The following GBP6 variants were observed in gnomAD, a reference collection of about 807,000 sequenced individuals.
The protein encoded by GBP6 is guanylate binding protein family member 6.
Under a neutral mutation model 61.5 loss-of-function variants are expected in GBP6, and 54 were observed. That is an observed-to-expected ratio of 0.88 (90% CI 0.71 to 1.10). The LOEUF is 1.10. Among genes scored for constraint, GBP6 ranks in the 50% least tolerant of loss-of-function variants. GBP6 has a pLI of 0.00. For missense variants in GBP6, 748 were observed against 752.8 expected (o/e 0.99, Z 0.07); for synonymous variants, 255 against 273.7 (o/e 0.93, Z 0.67).
At position 89,385,484 on chromosome 1, in the gene GBP6, G is replaced by T. The variant is rs759050983; in HGVS notation, c.*15G>T. On this transcript the variant is annotated 3_prime_UTR_variant, in exon 11 of 11. Transcript: ENST00000370456. ...TCCCCTTTTAAGGATATTATAGATTGTACATATATGCTTTGGACTATTTTT... is the reference window on the plus strand; with the variant it reads ...TCCCCTTTTAAGGATATTATAGATTTTACATATATGCTTTGGACTATTTTT... 7 of 1,606,782 alleles carry T rather than the reference G, an allele frequency of 4.4e-6. No homozygotes were observed. The Admixed American group carries it at 6.8e-5, about 16-fold the overall frequency.
chr1:89,368,533 T>G lies in GBP6; in HGVS notation c.-19T>G. On this transcript the variant is annotated 5_prime_UTR_variant, in exon 2 of 11. Coordinates refer to ENST00000370456, the MANE Select transcript of GBP6 (RefSeq NM_198460.3). ...TAACGTTATTTCTACTGGGAGGCTCTTCTAGGTTGGCAGTTGCCATGGAAT... is the reference window on the plus strand; with the variant it reads ...TAACGTTATTTCTACTGGGAGGCTCGTCTAGGTTGGCAGTTGCCATGGAAT... 6.2e-7 allele frequency: 1 copy of G among 1,609,900 alleles called. No individual in the cohort carries two copies. The highest frequency in any genetic ancestry group is 8.5e-7 in the Non-Finnish European group (1 of 1,177,324).
chr1:89,376,195 C>T (rs1370459484), intron 3 of GBP6, among the ~76,000 whole-genome samples: 3 of 152,124 alleles, frequency 2.0e-5, no homozygotes, highest in Non-Finnish European at 4.4e-5. Context: ...AAAATTCATT[C>T]ATCTGTTAAT....
At chr1:89,369,743 C>A (rs1303731320) in intron 3 of GBP6, 70 bp downstream of exon 3, 3 of 1,509,672 alleles carry the variant, frequency 2.0e-6, no homozygotes, top group Non-Finnish European at 2.7e-6. Context: ...CTGTTGTGAT[C>A]TATTTGTGCA....
At position 89,385,266 on chromosome 1, in the gene GBP6, A is replaced by T; in HGVS notation, c.1699A>T (p.Lys567Ter). ...NDWLHEGFKK[K>*]YEEMNAEISQ... is the part of the protein sequence containing the mutation. ...TTGGCTTCATGAAGGATTTAAGAAGAAGTATGAGGAGATGAATGCAGAGAT... is the reference window on the plus strand; with the variant it reads ...TTGGCTTCATGAAGGATTTAAGAAGTAGTATGAGGAGATGAATGCAGAGAT... The change falls in exon 11 of 11, where the codon AAG (lysine) becomes TAG (stop). Residue 567 changes from lysine to a stop codon, truncating the protein, a stop_gained. Transcript: ENST00000370456. LOFTEE classifies it low-confidence loss of function (END_TRUNC). 6.2e-7 allele frequency: 1 copy of T among 1,613,768 alleles called. No homozygotes were observed.
At chr1:89,371,140 A>C (rs61320141) in intron 3 of GBP6, among the ~76,000 whole-genome samples, 4,283 of 152,280 alleles carry the variant, frequency 0.028, 210 homozygotes, top group African/African-American at 0.098. Context: ...TAACGACCTC[A>C]GTGTTCATCT....
rs1652739191 is a variant in GBP6, at chr1:89,374,310, CTTGG to C, written c.319-3792_319-3789del. On this transcript the variant is annotated intron_variant, in intron 3 of 10. Transcript: ENST00000370456. ...ATGGACATTCGGGTAGTTTCCATAT[CTTGG>C]CTATTGTGAATAATGCTGCAATTAT... Among the ~76,000 whole-genome samples the C allele has an allele frequency of 7.2e-5, 11 of 152,088 alleles. 1 individual carries two copies. The highest frequency in any genetic ancestry group is 6.6e-4 in the Admixed American group (10 of 15,254).
At chr1:89,385,136 A>C in intron 10 of GBP6, 94 bp from the exon 11 acceptor site, 1 of 1,142,374 alleles carries the variant, frequency 8.8e-7, no homozygotes, top group Non-Finnish European at 1.2e-6. Flanking sequence ...TTTAGGAGTA[A>C]AATAAAGTTT....
At chr1:89,383,355 C>T (rs898209344) in intron 8 of GBP6, among the ~76,000 whole-genome samples, 8 of 152,222 alleles carry the variant, frequency 5.3e-5, no homozygotes, top group African/African-American at 9.6e-5. Flanking sequence ...GGAAGACAGA[C>T]ATGTATAAGC....
At chr1:89,376,282 C>T (rs1652807379) in intron 3 of GBP6, among the ~76,000 whole-genome samples, 1 of 152,190 alleles carries the variant, frequency 6.6e-6, no homozygotes, top group South Asian at 2.1e-4. Flanking sequence ...ATCTCTTTGA[C>T]ATAGTCATTT....
At chr1:89,382,543 T>C in intron 7 of GBP6, 121 bp from the exon 8 acceptor site, 1 of 734,922 alleles carries the variant, frequency 1.4e-6, no homozygotes, top group South Asian at 1.7e-5. Context: ...ATTCCACATC[T>C]ACTCCACTAG....
rs768956551 is a variant in GBP6 at position 89,381,843 on chromosome 1, C to T, written c.1021C>T (p.Arg341Ter). The T allele has an allele frequency of 6.2e-6, 10 of 1,614,052 alleles. No individual in the cohort carries two copies. Among genetic ancestry groups the T allele is most frequent in the Admixed American group, 5.0e-5 (3 of 60,012 alleles). ...CTACTACAGCCAGCAGATGGCCCAG[C>T]GAGTGAAGCTCCCCACAGACACGCT... ...ADYYSQQMAQ[R>*]VKLPTDTLQE... is the part of the protein sequence containing the mutation. Residue 341 changes from arginine to a stop codon, truncating the protein, a stop_gained, in exon 7 of 11, where the codon CGA becomes TGA. Transcript: ENST00000370456. LOFTEE classifies it high-confidence loss of function.
At chr1:89,381,009 G>A (rs1652961608) in intron 6 of GBP6, among the ~76,000 whole-genome samples, 1 of 152,104 alleles carries the variant, frequency 6.6e-6, no homozygotes, top group Admixed American at 6.6e-5. Flanking sequence ...AGAAGGCTGA[G>A]GGTGGTGGTT....
chr1:89,369,828 T>A (rs1237794202), intron 3 of GBP6, among the ~76,000 whole-genome samples, 155 bp downstream of exon 3: 1 of 152,224 alleles, frequency 6.6e-6, no homozygotes, highest in Non-Finnish European at 1.5e-5. Flanking sequence ...AGGTTAGATA[T>A]CATGGTATAT....
In GBP6 at chr1:89,381,593, C is replaced by T. The variant is rs914897534; in HGVS notation, c.872-101C>T. 6.4e-5 allele frequency: 74 copies of T among 1,164,066 alleles called. 1 individual carries two copies. Among genetic ancestry groups the T allele is most frequent in the South Asian group, 5.5e-4 (37 of 67,484 alleles). 72.1% of individuals were successfully genotyped at this position (1,164,066 alleles called of 1,614,324 possible). A position where few individuals can be genotyped will look rare whatever the true frequency, so the allele number is the denominator to read the frequency against. ...GGGTGTATGTGTTTGCATGTGTGCACGCGCGTGTATGTAAGTGCATGTGTG... is the reference window on the plus strand; with the variant it reads ...GGGTGTATGTGTTTGCATGTGTGCATGCGCGTGTATGTAAGTGCATGTGTG... On this transcript the variant is annotated intron_variant, in intron 6 of 10. Coordinates refer to ENST00000370456, the MANE Select transcript of GBP6 (RefSeq NM_198460.3).
intron 10 of GBP6, 69 bp from the exon 11 acceptor site, chr1:89,385,161 A>G: frequency 7.1e-7 from 1 of 1,400,718 alleles, no homozygotes; most frequent in Non-Finnish European, 9.7e-7. Flanking sequence ...CAGGTTTTAA[A>G]TACAAAATGT....
Position 89,368,672 on chromosome 1 carries a change from G to C in GBP6, c.121G>C (p.Val41Leu). 3 of 1,614,188 alleles carry C rather than the reference G, an allele frequency of 1.9e-6. No homozygotes were observed. Among genetic ancestry groups the C allele is most frequent in the Non-Finnish European group, 2.5e-6 (3 of 1,180,004 alleles). ...LEKISQPVVV[V>L]AIVGLYRTGK... is the part of the protein sequence containing the mutation. The stretch of plus-strand genomic sequence containing the variant: ...AAAGATTTCTCAGCCAGTGGTGGTG[G>C]TGGCCATTGTAGGACTGTACCGTAC... The change falls in exon 2 of 11, where the codon GTG becomes CTG. Residue 41 changes from valine (V) to leucine (L), a missense_variant. Coordinates refer to ENST00000370456, the MANE Select transcript of GBP6 (RefSeq NM_198460.3).
chr1:89,381,390 C>G (rs997598159), intron 6 of GBP6, among the ~76,000 whole-genome samples: 2 of 151,290 alleles, frequency 1.3e-5, no homozygotes, highest in Non-Finnish European at 2.9e-5. Context: ...CTCATTTTAT[C>G]TGTGTAAACT....
intron 1 of GBP6, 23 bp from the exon 2 acceptor site, chr1:89,368,506 T>C: frequency 6.5e-7 from 1 of 1,542,298 alleles, no homozygotes; most frequent in Non-Finnish European, 8.9e-7. Flanking sequence ...AGAATGACAA[T>C]GTAACGTTAT....
At chr1:89,372,579 G>A (rs112052169) in intron 3 of GBP6, among the ~76,000 whole-genome samples, 87,781 of 151,882 alleles carry the variant, frequency 0.58, 25,640 homozygotes, top group Admixed American at 0.65. Flanking sequence ...TTCCCTATTT[G>A]ATAAATGGTG....
Sources: gnomAD v4.1 joint callset for allele counts (sites outside exome capture counted in the v4.1 genomes callset) on GRCh38, gnomAD v4.1.1 for gene constraint, MANE v1.5 for transcripts, NCBI Gene and HGNC (gene_info 2026-07-23, HGNC 2026-07-21) for gene names.